Variants in OTUD7A observed in about 807,000 individuals in gnomAD.
OTUD7A encodes OTU domain-containing protein 7A.
A neutral mutation model predicts 65.7 loss-of-function variants in OTUD7A; 12 were observed. The observed-to-expected ratio is 0.18, with a 90% CI of 0.12 to 0.30. The LOEUF is 0.30. Ranked by LOEUF, OTUD7A falls within the 10% of genes least tolerant of loss-of-function variation. The pLI, the probability that OTUD7A is intolerant of heterozygous loss-of-function variation, is 1.00. For missense variants in OTUD7A, 1,148 were observed against 1,304.8 expected (o/e 0.88, Z 1.85); for synonymous variants, 641 against 586.3 (o/e 1.09, Z -1.35).
chr15:31,863,024 C>T (rs1897784673), intron 1 of OTUD7A, among the ~76,000 whole-genome samples: 1 of 152,140 alleles, frequency 6.6e-6, no homozygotes, highest in South Asian at 2.1e-4. Flanking sequence ...GTTACAAGGC[C>T]CAGGCAAGTC....
intron 5 of OTUD7A, among the ~76,000 whole-genome samples, chr15:31,540,613 A>G (rs769296053): frequency 6.6e-5 from 10 of 152,102 alleles, no homozygotes; most frequent in Non-Finnish European, 1.3e-4. Flanking sequence ...TATGAACATT[A>G]TATTATTTAA....
chr15:31,675,357 C>T (rs1321460736), intron 1 of OTUD7A, among the ~76,000 whole-genome samples: 1 of 152,148 alleles, frequency 6.6e-6, no homozygotes, highest in African/African-American at 2.4e-5. Flanking sequence ...GAATTCTCCT[C>T]TTGTTAAATC....
At position 31,766,082 on chromosome 15, in the gene OTUD7A, T is replaced by C. The variant is rs995425110; in HGVS notation, c.-100+104425A>G. 92 of 1,472,108 alleles carry C rather than the reference T, an allele frequency of 6.2e-5. No homozygotes were observed. The African/African-American group carries it at 1.1e-3, about 18-fold the overall frequency. 91.2% of individuals were successfully genotyped at this position (1,472,108 alleles called of 1,614,324 possible). A position where few individuals can be genotyped will look rare whatever the true frequency, so the allele number is the denominator to read the frequency against. On this transcript the variant is annotated intron_variant, in intron 1 of 12. Coordinates refer to ENST00000307050, the MANE Select transcript of OTUD7A (RefSeq NM_001382637.1). ...CAGGACTTTCAATATGTCCCCTTTT[T>C]AAGTAGTCAAGATGTTTTTCCACTG... is the stretch of plus-strand genomic sequence containing the variant.
chr15:31,607,617 T>C (rs1011982354), intron 3 of OTUD7A, among the ~76,000 whole-genome samples: 2 of 152,218 alleles, frequency 1.3e-5, no homozygotes, highest in Non-Finnish European at 2.9e-5. Context: ...AAAATTCCTA[T>C]TGCCTAGTGA....
At chr15:31,610,770 C>T (rs777729519) in intron 3 of OTUD7A, among the ~76,000 whole-genome samples, 2 of 150,832 alleles carry the variant, frequency 1.3e-5, no homozygotes, top group African/African-American at 4.9e-5. Flanking sequence ...TACAGGCGCC[C>T]GCCACCACGC....
At chr15:31,622,401 C>A (rs1210506803) in intron 3 of OTUD7A, among the ~76,000 whole-genome samples, 1 of 152,152 alleles carries the variant, frequency 6.6e-6, no homozygotes, top group African/African-American at 2.4e-5. Context: ...TCAGGTACAC[C>A]AATCAGACGT....
chr15:31,867,968 T>C (rs1897924316), intron 1 of OTUD7A, among the ~76,000 whole-genome samples: 2 of 152,034 alleles, frequency 1.3e-5, no homozygotes, highest in East Asian at 1.9e-4. Flanking sequence ...CACCTCAACT[T>C]GGAGATCCAC....
chr15:31,797,379 G>A (rs1411970287), intron 1 of OTUD7A, among the ~76,000 whole-genome samples: 1 of 152,138 alleles, frequency 6.6e-6, no homozygotes, highest in Non-Finnish European at 1.5e-5. Context: ...AATTTTTATT[G>A]GCAGTGAAGG....
intron 3 of OTUD7A, among the ~76,000 whole-genome samples, chr15:31,609,035 C>T (rs1440957382): frequency 6.6e-6 from 1 of 152,150 alleles, no homozygotes; most frequent in Non-Finnish European, 1.5e-5. Context: ...GGAGCAGAGT[C>T]AATTTAGAGA....
Position 31,484,195 on chromosome 15 carries a change from G to T in OTUD7A, c.1901C>A (p.Ala634Asp), listed in dbSNP as rs1453485953. ...DVKLSLNILR[A>D]AMQGERKFIF... is the part of the protein sequence containing the mutation. ...GAACTTGCGCTCCCCCTGCATGGCG[G>T]CGCGCAGGATGTTGAGGCTCAGCTT... is the stretch of plus-strand genomic sequence containing the variant. The change falls in exon 13 of 13, where the codon GCC becomes GAC. Residue 634 changes from alanine to aspartate, a missense_variant. By Grantham distance (126) the Ala-to-Asp change is moderately radical (BLOSUM62 -2). Coordinates refer to ENST00000307050, the MANE Select transcript of OTUD7A (RefSeq NM_001382637.1). This position sits in a 1 kb window ranked among gnomAD's most constrained non-coding sequence, Gnocchi z 4.5. 1.2e-6 allele frequency: 2 copies of T among 1,609,576 alleles called. No homozygotes were observed. Among genetic ancestry groups the T allele is most frequent in the South Asian group, 2.2e-5 (2 of 90,716 alleles).
intron 1 of OTUD7A, among the ~76,000 whole-genome samples, chr15:31,731,184 C>CT (rs772406744): frequency 1.5e-4 from 23 of 152,160 alleles, no homozygotes; most frequent in Non-Finnish European, 1.9e-4. Flanking sequence ...AGGGTGATCT[C>CT]TTTTTACATC....
chr15:31,798,180 G>C (rs78788140), intron 1 of OTUD7A, among the ~76,000 whole-genome samples: 4,873 of 152,140 alleles, frequency 0.032, 277 homozygotes, highest in African/African-American at 0.11. Flanking sequence ...ATTGGGTAAC[G>C]TTAGGACATC....
intron 1 of OTUD7A, among the ~76,000 whole-genome samples, chr15:31,763,354 C>T (rs1314844265): frequency 6.6e-6 from 1 of 151,972 alleles, no homozygotes; most frequent in African/African-American, 2.4e-5. Context: ...AAAGAAGAAT[C>T]AAGTGGAAAT....
chr15:31,709,408 C>T (rs1021796897), intron 1 of OTUD7A, among the ~76,000 whole-genome samples: 3 of 152,056 alleles, frequency 2.0e-5, no homozygotes, highest in Admixed American at 6.5e-5. Context: ...CCTGCACACA[C>T]GTGGGGCACC....
At chr15:31,578,597 G>A (rs1033073761) in intron 3 of OTUD7A, among the ~76,000 whole-genome samples, 15 of 151,382 alleles carry the variant, frequency 9.9e-5, no homozygotes, top group Non-Finnish European at 2.1e-4. Flanking sequence ...TGTCACCCAG[G>A]CTGGAGTGCC....
chr15:31,815,305 G>A (rs758694147), intron 1 of OTUD7A, among the ~76,000 whole-genome samples: 1 of 152,178 alleles, frequency 6.6e-6, no homozygotes, highest in Non-Finnish European at 1.5e-5. Flanking sequence ...CTGAATCAGA[G>A]GGCTCCCAGC....
chr15:31,516,284 GC>G (rs1282974510), intron 8 of OTUD7A, among the ~76,000 whole-genome samples: 2 of 152,216 alleles, frequency 1.3e-5, no homozygotes, highest in African/African-American at 4.8e-5. Flanking sequence ...AGGATGGCGG[GC>G]CCAGTTGAGA....
At chr15:31,847,257 T>G (rs1897313667) in intron 1 of OTUD7A, among the ~76,000 whole-genome samples, 1 of 152,174 alleles carries the variant, frequency 6.6e-6, no homozygotes, top group Non-Finnish European at 1.5e-5. Flanking sequence ...ATTCCCAACA[T>G]GCAGGAGGGC....
At chr15:31,495,946 G>A (rs1330078236) in intron 10 of OTUD7A, among the ~76,000 whole-genome samples, 3 of 151,598 alleles carry the variant, frequency 2.0e-5, no homozygotes, top group Non-Finnish European at 4.4e-5. Context: ...TGTGCCTGTA[G>A]TCCCACCTAC....
Sources: gnomAD v4.1 joint callset for allele counts (sites outside exome capture counted in the v4.1 genomes callset) on GRCh38, gnomAD v4.1.1 for gene constraint, Gnocchi (gnomAD v3.1) non-coding constraint, MANE v1.5 for transcripts, NCBI Gene and HGNC (gene_info 2026-07-23, HGNC 2026-07-21) for gene names.